Variants in AHCTF1 observed in about 807,000 individuals in gnomAD.
AHCTF1 encodes the protein protein ELYS.
In AHCTF1, 24 loss-of-function variants were observed where a neutral mutation model predicts 248.4. That is an observed-to-expected ratio of 0.10 (90% CI 0.07 to 0.14). The LOEUF is 0.14. AHCTF1 is among the 10% of genes least tolerant of loss of function. The probability of loss-of-function intolerance (pLI) is 1.00; values close to 1 mark genes in which losing one functional copy is unlikely to be tolerated. For missense variants in AHCTF1, 2,206 were observed against 2,636.2 expected (o/e 0.84, Z 3.57); for synonymous variants, 786 against 929.8 (o/e 0.85, Z 2.81).
At chr1:246,869,631 A>G (rs979355613) in intron 24 of AHCTF1, among the ~76,000 whole-genome samples, 2 of 152,136 alleles carry the variant, frequency 1.3e-5, no homozygotes, top group Non-Finnish European at 2.9e-5. Flanking sequence ...TCTTCTATCA[A>G]TGGAAAAAGC....
intron 4 of AHCTF1, among the ~76,000 whole-genome samples, chr1:246,908,356 G>C (rs1367689824): frequency 6.6e-6 from 1 of 151,318 alleles, no homozygotes; most frequent in Non-Finnish European, 1.5e-5. Flanking sequence ...TGGGGCAAGG[G>C]GGAAGCCTAC....
At chr1:246,913,109 T>TA (rs1422971400) in intron 4 of AHCTF1, 123 bp downstream of exon 4, 4 of 775,136 alleles carry the variant, frequency 5.2e-6, no homozygotes, top group Admixed American at 7.0e-5. Context: ...TTTTTTTTTT[T>TA]ATAGATAGGA....
At chr1:246,863,811 T>A (rs1319043130) in intron 27 of AHCTF1, 113 bp downstream of exon 27, 2 of 1,072,958 alleles carry the variant, frequency 1.9e-6, no homozygotes, top group Non-Finnish European at 2.8e-6. Flanking sequence ...GCTTAAAGCA[T>A]TTCCCAGCAC....
chr1:246,929,299 C>T (rs936677312), intron 1 of AHCTF1, among the ~76,000 whole-genome samples: 4 of 152,086 alleles, frequency 2.6e-5, no homozygotes, highest in African/African-American at 9.7e-5. Context: ...GTCCCAGCTA[C>T]TCGGGAGGCT....
chr1:246,899,612 A>C (rs1186404653), intron 10 of AHCTF1, 100 bp from the exon 11 acceptor site: 2 of 776,130 alleles, frequency 2.6e-6, no homozygotes, highest in Non-Finnish European at 4.1e-6. Flanking sequence ...AAGGTGTCAA[A>C]TTATTACATG....
At chr1:246,847,929 T>G (rs1660406166) in intron 33 of AHCTF1, among the ~76,000 whole-genome samples, 1 of 152,156 alleles carries the variant, frequency 6.6e-6, no homozygotes, top group South Asian at 2.1e-4. Context: ...TGTTTTTCAT[T>G]TTAACTTTTT....
chr1:246,840,942 G>A lies in AHCTF1; in HGVS notation c.6665C>T (p.Ser2222Phe), dbSNP rs1659817346. The change falls in exon 36 of 36, where the codon TCC becomes TTC. Residue 2222 changes from serine to phenylalanine, a missense_variant. Physicochemically the swap from Ser to Phe is radical, Grantham distance 155 (BLOSUM62 -2). Coordinates refer to ENST00000648844, the MANE Select transcript of AHCTF1 (RefSeq NM_001323342.2). Reference sequence around the variant, plus strand: ...TCCGTCAGCTGGGCTAGCCAAGGGGGAAATCAGCCGAATTTCTATGGGAGG... The same window carrying A: ...TCCGTCAGCTGGGCTAGCCAAGGGGAAAATCAGCCGAATTTCTATGGGAGG... ...SPPPIEIRLI[S>F]PLASPADGVK... 2 of 1,611,696 alleles carry A rather than the reference G, an allele frequency of 1.2e-6. No homozygotes were observed. The highest frequency in any genetic ancestry group is 1.1e-5 in the South Asian group (1 of 90,500).
intron 3 of AHCTF1, among the ~76,000 whole-genome samples, chr1:246,914,134 T>C (rs1665989823): frequency 6.6e-6 from 1 of 152,230 alleles, no homozygotes; most frequent in African/African-American, 2.4e-5. Context: ...AAATTTTAAA[T>C]GTCTATAACT....
In AHCTF1 at chr1:246,850,774, T is replaced by C. The variant is rs750663479; in HGVS notation, c.5232A>G (p.Gln1744=). 3.4e-5 allele frequency: 55 copies of C among 1,613,902 alleles called. No individual in the cohort carries two copies. In the East Asian group the frequency reaches 4.0e-4, roughly 12 times the overall value. The change falls in exon 33 of 36, where the codon CAA becomes CAG. Residue 1744 remains glutamine, a synonymous_variant. Transcript: ENST00000648844. ...VVSSKTRTRG[Q]RIQNVNVKSA... ...ATTTGACATTCACGTTTTGGATACGTTGACCTCTCGTACGAGTTTTGGAGG... is the reference window on the plus strand; with the variant it reads ...ATTTGACATTCACGTTTTGGATACGCTGACCTCTCGTACGAGTTTTGGAGG...
chr1:246,848,780 G>A (rs1007493120), intron 33 of AHCTF1, among the ~76,000 whole-genome samples: 1 of 151,858 alleles, frequency 6.6e-6, no homozygotes, highest in African/African-American at 2.4e-5. Flanking sequence ...AACCCAGGGG[G>A]CACATGTTGC....
chr1:246,900,508 A>G, intron 8 of AHCTF1, 39 bp from the exon 9 acceptor site: 5 of 1,562,598 alleles, frequency 3.2e-6, no homozygotes, highest in Non-Finnish European at 3.4e-6. Context: ...AGAATAAAGA[A>G]TCTCAAAGTA....
In AHCTF1 at chr1:246,867,805, C is replaced by A. The variant is rs1180660496; in HGVS notation, c.3095G>T (p.Arg1032Ile). Reference sequence around the variant, plus strand: ...TGGAACTGCTGATAATGGTTTGGGTCTAGAAACTGTAAAATGAAGAACGCT... The same window carrying A: ...TGGAACTGCTGATAATGGTTTGGGTATAGAAACTGTAAAATGAAGAACGCT... Reference protein sequence around the residue: ...STSSVFRLVSRPKPLSAVPKQ... With the variant: ...STSSVFRLVSIPKPLSAVPKQ... The change falls in exon 25 of 36, where the codon AGA becomes ATA. Residue 1032 changes from arginine to isoleucine, a missense_variant. By Grantham distance (97) the Arg-to-Ile change is moderately conservative. Transcript: ENST00000648844. The A allele has an allele frequency of 6.3e-7, 1 of 1,594,448 alleles. No individual in the cohort carries two copies.
chr1:246,913,209 G>C, intron 4 of AHCTF1, 23 bp downstream of exon 4: 1 of 1,493,886 alleles, frequency 6.7e-7, no homozygotes, highest in Non-Finnish European at 9.0e-7. Flanking sequence ...TCCATTTTTG[G>C]TTTCAAGTAA....
chr1:246,906,655 A>C (rs1352280675), intron 5 of AHCTF1, among the ~76,000 whole-genome samples: 1 of 152,170 alleles, frequency 6.6e-6, no homozygotes, highest in Non-Finnish European at 1.5e-5. Flanking sequence ...CCTATAAGAT[A>C]AATTACTCAA....
chr1:246,908,371 C>T (rs1665546175), intron 4 of AHCTF1, among the ~76,000 whole-genome samples: 1 of 151,192 alleles, frequency 6.6e-6, no homozygotes, highest in Non-Finnish European at 1.5e-5. Flanking sequence ...GCCTACCCTC[C>T]CCACCTACAA....
At chr1:246,875,831 T>C (rs2103102848) in intron 24 of AHCTF1, among the ~76,000 whole-genome samples, 1 of 152,366 alleles carries the variant, frequency 6.6e-6, no homozygotes, top group Middle Eastern at 3.4e-3. Flanking sequence ...GTAAACATTA[T>C]GCAATGGGAA....
At chr1:246,869,036 G>A (rs375082870) in intron 24 of AHCTF1, among the ~76,000 whole-genome samples, 8 of 151,558 alleles carry the variant, frequency 5.3e-5, no homozygotes, top group East Asian at 3.9e-4. Flanking sequence ...AGTAGAGACG[G>A]GGTTTCACCA....
chr1:246,927,362 G>A (rs544800676), intron 1 of AHCTF1, among the ~76,000 whole-genome samples: 5 of 152,146 alleles, frequency 3.3e-5, no homozygotes, highest in South Asian at 2.1e-4. Flanking sequence ...GGCTGCATAC[G>A]CTTGTCATCC....
chr1:246,847,341 G>A (rs777439526), intron 33 of AHCTF1, among the ~76,000 whole-genome samples: 15 of 151,634 alleles, frequency 9.9e-5, no homozygotes, highest in Non-Finnish European at 2.1e-4. Flanking sequence ...GACATAAGTA[G>A]GGGGACAAAA....
Sources: allele counts gnomAD v4.1 joint callset (sites outside exome capture counted in the v4.1 genomes callset), GRCh38; gene constraint gnomAD v4.1.1; transcripts MANE v1.5; gene names NCBI Gene and HGNC (gene_info 2026-07-23, HGNC 2026-07-21).